The following CSRNP3 variants were observed in gnomAD, a reference collection of about 807,000 sequenced individuals.
CSRNP3 encodes the protein cysteine/serine-rich nuclear protein 3.
In CSRNP3, 12 loss-of-function variants were observed where a neutral mutation model predicts 48.0. That is an observed-to-expected ratio of 0.25 (90% confidence interval 0.16 to 0.41). The LOEUF (loss-of-function observed/expected upper bound fraction) is 0.41. Among genes scored for constraint, CSRNP3 ranks in the 10% least tolerant of loss-of-function variants. The pLI is 1.00. For synonymous variants in CSRNP3, 263 were observed against 269.7 expected (o/e 0.98, Z 0.24); for missense variants, 580 against 724.4 (o/e 0.80, Z 2.29).
intron 3 of CSRNP3, among the ~76,000 whole-genome samples, chr2:165,537,579 G>C (rs1684897376): frequency 6.6e-6 from 1 of 151,422 alleles, no homozygotes; most frequent in African/African-American, 2.4e-5. Flanking sequence ...GATTTGTTAA[G>C]AATTATTAGC....
At chr2:165,576,889 A>G (rs2105278926) in intron 3 of CSRNP3, among the ~76,000 whole-genome samples, 1 of 152,168 alleles carries the variant, frequency 6.6e-6, no homozygotes, top group Non-Finnish European at 1.5e-5. Context: ...TCAGACTTCA[A>G]AGGAATCTTT....
intron 4 of CSRNP3, among the ~76,000 whole-genome samples, chr2:165,620,471 A>G (rs1686321075): frequency 6.6e-6 from 1 of 152,166 alleles, no homozygotes; most frequent in South Asian, 2.1e-4. Flanking sequence ...AGTCTTGAAA[A>G]TATTAAAAAA....
At chr2:165,601,487 A>T (rs1400356779) in intron 4 of CSRNP3, among the ~76,000 whole-genome samples, 3 of 152,140 alleles carry the variant, frequency 2.0e-5, no homozygotes, top group Non-Finnish European at 4.4e-5. Flanking sequence ...GATTTTTTTT[A>T]ATTTATGAAA....
intron 6 of CSRNP3, among the ~76,000 whole-genome samples, chr2:165,677,044 T>C (rs1037690857): frequency 1.3e-5 from 2 of 152,202 alleles, no homozygotes; most frequent in Non-Finnish European, 2.9e-5. Context: ...AGATTGAGAC[T>C]GCAGAAAATG....
At chr2:165,606,300 A>C (rs1469277869) in intron 4 of CSRNP3, among the ~76,000 whole-genome samples, 1 of 150,918 alleles carries the variant, frequency 6.6e-6, no homozygotes, top group East Asian at 1.9e-4. Flanking sequence ...TTTGTAAATC[A>C]TTAACTGACG....
At chr2:165,487,764 C>T (rs1399678480) in intron 1 of CSRNP3, among the ~76,000 whole-genome samples, 1 of 150,304 alleles carries the variant, frequency 6.7e-6, no homozygotes, top group Non-Finnish European at 1.5e-5. Flanking sequence ...TTGTCACCAC[C>T]AGGCCTGCCC....
chr2:165,502,398 TA>T (rs1395495638), intron 2 of CSRNP3, among the ~76,000 whole-genome samples: 1 of 152,046 alleles, frequency 6.6e-6, no homozygotes, highest in Non-Finnish European at 1.5e-5. Context: ...AAAATCTCTA[TA>T]TATTTTCACA....
intron 1 of CSRNP3, among the ~76,000 whole-genome samples, chr2:165,488,562 C>T (rs1684155190): frequency 7.0e-6 from 1 of 143,614 alleles, no homozygotes; most frequent in African/African-American, 2.6e-5. Context: ...CTCTCCTCAG[C>T]AAATGTAAAA....
intron 4 of CSRNP3, among the ~76,000 whole-genome samples, chr2:165,601,428 T>G (rs1057065461): frequency 2.2e-4 from 33 of 152,188 alleles, no homozygotes; most frequent in African/African-American, 3.6e-4. Context: ...GGATACACAT[T>G]CTAAATTGCA....
At chr2:165,557,526 G>A (rs1396224857) in intron 3 of CSRNP3, among the ~76,000 whole-genome samples, 1 of 152,184 alleles carries the variant, frequency 6.6e-6, no homozygotes, top group Non-Finnish European at 1.5e-5. Context: ...ACTTCATCTT[G>A]TAAAACTGGG....
intron 3 of CSRNP3, among the ~76,000 whole-genome samples, chr2:165,568,569 G>T (rs1276934919): frequency 6.6e-6 from 1 of 152,074 alleles, no homozygotes; most frequent in Non-Finnish European, 1.5e-5. Context: ...TTACATGGCA[G>T]CTCAGAGTTC....
At chr2:165,558,589 G>A (rs6432836) in intron 3 of CSRNP3, among the ~76,000 whole-genome samples, 118,600 of 152,028 alleles carry the variant, frequency 0.78, 46,419 homozygotes, top group African/African-American at 0.82. Context: ...AAGATAATAA[G>A]AGAGTTTGTA....
intron 1 of CSRNP3, among the ~76,000 whole-genome samples, chr2:165,491,950 T>TA (rs560385044): frequency 0.034 from 3,514 of 104,526 alleles, 119 homozygotes; most frequent in African/African-American, 0.11. Flanking sequence ...TAAAGTATAA[T>TA]AAAAAAAAAA....
chr2:165,627,836 G>A (rs1216281841), intron 4 of CSRNP3, among the ~76,000 whole-genome samples: 1 of 152,092 alleles, frequency 6.6e-6, no homozygotes, highest in Non-Finnish European at 1.5e-5. Flanking sequence ...TCATGAATGA[G>A]GAACTATGCT....
chr2:165,548,680 G>T (rs961935000), intron 3 of CSRNP3, among the ~76,000 whole-genome samples: 12 of 151,928 alleles, frequency 7.9e-5, no homozygotes, highest in Admixed American at 3.9e-4. Flanking sequence ...AAATCATTAT[G>T]TCCTAAAAAT....
intron 2 of CSRNP3, among the ~76,000 whole-genome samples, chr2:165,508,214 A>G (rs1232557481): frequency 6.6e-6 from 1 of 152,040 alleles, no homozygotes; most frequent in Non-Finnish European, 1.5e-5. Flanking sequence ...GAATTTATGC[A>G]TTTCCTGGGA....
At chr2:165,501,872 A>T (rs925831717) in intron 2 of CSRNP3, among the ~76,000 whole-genome samples, 1 of 152,238 alleles carries the variant, frequency 6.6e-6, no homozygotes, top group Admixed American at 6.5e-5. Context: ...ATTCCAATTT[A>T]TGCATACACT....
At chr2:165,636,206 A>T (rs1397066735) in intron 4 of CSRNP3, among the ~76,000 whole-genome samples, 1 of 152,216 alleles carries the variant, frequency 6.6e-6, no homozygotes, top group African/African-American at 2.4e-5. Context: ...ACACATTCAT[A>T]TGTAAGCAGA....
In CSRNP3 at chr2:165,657,704, G is replaced by A. The variant is rs150706497; in HGVS notation, c.149-57G>A. 3.1e-5 allele frequency: 50 copies of A among 1,588,946 alleles called. No homozygotes were observed. In the East Asian group the frequency reaches 1.1e-3, roughly 34 times the overall value. On this transcript the variant is annotated intron_variant, in intron 4 of 6. Coordinates refer to ENST00000651982, the MANE Select transcript of CSRNP3 (RefSeq NM_001172173.2). ...AAGATCACCAAATGGCATTTTCTTG[G>A]CCTTGTCTGAAAACTGCTGCCCCAA...
Sources: gnomAD v4.1 joint callset for allele counts (sites outside exome capture counted in the v4.1 genomes callset) on GRCh38, gnomAD v4.1.1 for gene constraint, MANE v1.5 for transcripts, NCBI Gene and HGNC (gene_info 2026-07-23, HGNC 2026-07-21) for gene names.